The following SMOC2 variants were observed in gnomAD, a reference collection of about 807,000 sequenced individuals.
SMOC2 encodes the protein SPARC related modular calcium binding 2, also known as SPARC-related modular calcium-binding protein 2.
A neutral mutation model predicts 61.4 loss-of-function variants in SMOC2; 39 were observed. The observed-to-expected ratio is 0.64, with a 90% confidence interval of 0.49 to 0.83. The LOEUF is 0.83. SMOC2 is among the 40% of genes least tolerant of loss of function. The probability of loss-of-function intolerance (pLI) is 0.00; values close to 1 mark genes in which losing one functional copy is unlikely to be tolerated. For synonymous variants in SMOC2, 247 were observed against 239.9 expected (o/e 1.03, Z -0.27); for missense variants, 556 against 592.9 (o/e 0.94, Z 0.65).
chr6:168,625,507 G>A (rs1047574851), intron 9 of SMOC2, among the ~76,000 whole-genome samples: 7 of 152,292 alleles, frequency 4.6e-5, no homozygotes, highest in East Asian at 3.9e-4. Flanking sequence ...TCTTTTTATC[G>A]TAACATTTGC....
intron 7 of SMOC2, among the ~76,000 whole-genome samples, chr6:168,568,901 T>C (rs1475760639): frequency 6.6e-6 from 1 of 152,252 alleles, no homozygotes; most frequent in Non-Finnish European, 1.5e-5. Flanking sequence ...ATCTTCTTAG[T>C]GCTGAATTGT....
intron 7 of SMOC2, among the ~76,000 whole-genome samples, chr6:168,598,327 G>T (rs911877708): frequency 1.2e-4 from 18 of 152,236 alleles, no homozygotes; most frequent in African/African-American, 4.1e-4. Context: ...TGTTGAGAAT[G>T]AGGAGAGAGG....
At chr6:168,482,803 G>A (rs3898169) in intron 1 of SMOC2, among the ~76,000 whole-genome samples, 45,487 of 151,878 alleles carry the variant, frequency 0.3, 9,017 homozygotes, top group African/African-American at 0.56. Flanking sequence ...AGGGTAAAAA[G>A]CGTGATCTCA....
At chr6:168,661,258 G>GT (rs967159081) in intron 11 of SMOC2, among the ~76,000 whole-genome samples, 2 of 152,012 alleles carry the variant, frequency 1.3e-5, no homozygotes, top group Non-Finnish European at 1.5e-5. Context: ...CTGTTGCTAA[G>GT]TTTTTTTTGT....
chr6:168,552,629 A>G (rs1784153830), intron 7 of SMOC2, among the ~76,000 whole-genome samples: 1 of 152,226 alleles, frequency 6.6e-6, no homozygotes, highest in African/African-American at 2.4e-5. Flanking sequence ...TATGCTTTGG[A>G]GCATATAATG....
At chr6:168,649,325 G>A (rs888474297) in intron 9 of SMOC2, among the ~76,000 whole-genome samples, 7 of 152,148 alleles carry the variant, frequency 4.6e-5, no homozygotes, top group Admixed American at 1.3e-4. Context: ...TGGTGAGGAC[G>A]GTCCGAGCAG....
chr6:168,613,104 T>C (rs1371760740), intron 9 of SMOC2, among the ~76,000 whole-genome samples: 1 of 152,220 alleles, frequency 6.6e-6, no homozygotes, highest in Non-Finnish European at 1.5e-5. Context: ...CATTTCAGTC[T>C]ACACTGGCAG....
At chr6:168,599,105 C>G (rs1785413267) in intron 8 of SMOC2, 101 bp downstream of exon 8, 2 of 1,042,380 alleles carry the variant, frequency 1.9e-6, no homozygotes, top group Non-Finnish European at 2.7e-6. Flanking sequence ...CACCGACACA[C>G]AGTCACACAC....
chr6:168,451,595 CTCTG>C (rs1339797110), intron 1 of SMOC2, among the ~76,000 whole-genome samples: 4 of 116,302 alleles, frequency 3.4e-5, no homozygotes, highest in African/African-American at 1.5e-4. Flanking sequence ...CTCTCTCTGT[CTCTG>C]TCTCTCTCTC....
At chr6:168,619,273 TTAC>T (rs1786185212) in intron 9 of SMOC2, among the ~76,000 whole-genome samples, 1 of 152,224 alleles carries the variant, frequency 6.6e-6, no homozygotes, top group South Asian at 2.1e-4. Context: ...TTAGCCTGCG[TTAC>T]TTTGAAAGTT....
chr6:168,569,695 C>G (rs139107104), intron 7 of SMOC2, among the ~76,000 whole-genome samples: 2 of 152,278 alleles, frequency 1.3e-5, no homozygotes, highest in East Asian at 3.9e-4. Flanking sequence ...CTGCCTGTCT[C>G]GGCCTTCCAG....
intron 7 of SMOC2, among the ~76,000 whole-genome samples, chr6:168,557,707 G>A (rs992925450): frequency 1.6e-4 from 25 of 152,026 alleles, no homozygotes; most frequent in Admixed American, 4.6e-4. Flanking sequence ...TGATGTTGAC[G>A]TCACTAGTTG....
intron 7 of SMOC2, among the ~76,000 whole-genome samples, chr6:168,554,547 GC>G (rs749625270): frequency 1.3e-5 from 2 of 152,172 alleles, no homozygotes; most frequent in African/African-American, 4.8e-5. Context: ...GGGCACGGAG[GC>G]CCCCCGTCTC....
At chr6:168,642,145 G>A (rs1042230346) in intron 9 of SMOC2, among the ~76,000 whole-genome samples, 3 of 152,174 alleles carry the variant, frequency 2.0e-5, no homozygotes, top group Admixed American at 6.5e-5. Context: ...AGCAGTGAAC[G>A]ATTCCTGAAT....
chr6:168,621,185 A>G (rs1235888260), intron 9 of SMOC2, among the ~76,000 whole-genome samples: 1 of 152,238 alleles, frequency 6.6e-6, no homozygotes, highest in African/African-American at 2.4e-5. Context: ...CGCTTTGAGA[A>G]ATTCCTGAGA....
intron 7 of SMOC2, among the ~76,000 whole-genome samples, chr6:168,551,482 C>G (rs1784129507): frequency 6.6e-6 from 1 of 151,372 alleles, no homozygotes; most frequent in Admixed American, 6.6e-5. Flanking sequence ...GAGAGAAAGT[C>G]TTGCTCTGTC....
In SMOC2 at chr6:168,527,654, C is replaced by T. The variant is rs760716207; in HGVS notation, c.390C>T (p.Tyr130=). The change falls in exon 4 of 13, where the codon TAC becomes TAT. Residue 130 remains tyrosine, a synonymous_variant. Coordinates refer to ENST00000356284, the MANE Select transcript of SMOC2 (RefSeq NM_001166412.2). ...TCCAGTGTCACAGCTACACGGGATA[C>T]TGCTGGTGCGTCACGCCCAACGGGA... ...SQVQCHSYTG[Y]CWCVTPNGRP... The T allele has an allele frequency of 9.5e-5, 147 of 1,551,984 alleles. No individual in the cohort carries two copies. Among genetic ancestry groups the T allele is most frequent in the Non-Finnish European group, 1.2e-4 (140 of 1,147,590 alleles).
rs1013502759 is a variant in SMOC2 at position 168,620,454 on chromosome 6, A to C, written c.907+12215A>C. Among the ~76,000 whole-genome samples the C allele has an allele frequency of 5.9e-5, 9 of 152,284 alleles. No homozygotes were observed. The East Asian group carries it at 1.7e-3, about 29-fold the overall frequency. ...ACCTGGCTGTGAGGATTGCAGGTTTATGACCCTGGGATGAATGCTCTTGAA... is the reference window on the plus strand; with the variant it reads ...ACCTGGCTGTGAGGATTGCAGGTTTCTGACCCTGGGATGAATGCTCTTGAA... On this transcript the variant is annotated intron_variant, in intron 9 of 12. Coordinates refer to ENST00000356284, the MANE Select transcript of SMOC2 (RefSeq NM_001166412.2).
intron 8 of SMOC2, among the ~76,000 whole-genome samples, chr6:168,603,220 C>A (rs910915673): frequency 6.7e-6 from 1 of 150,090 alleles, no homozygotes; most frequent in Non-Finnish European, 1.5e-5. Context: ...CCCAACCATG[C>A]CAAACTGTGA....
Sources: allele counts gnomAD v4.1 joint callset (sites outside exome capture counted in the v4.1 genomes callset), GRCh38; gene constraint gnomAD v4.1.1; transcripts MANE v1.5; gene names NCBI Gene and HGNC (gene_info 2026-07-23, HGNC 2026-07-21).